PI4KA: variants seen among roughly 807,000 people sequenced by gnomAD.
The protein encoded by PI4KA is PI4-kinase alpha.
PI4KA carries 122 observed loss-of-function variants against 271.4 expected under a neutral mutation model. That is an observed-to-expected ratio of 0.45 (90% confidence interval 0.39 to 0.52). PI4KA has a LOEUF of 0.52. Ranked by LOEUF, PI4KA falls within the 20% of genes least tolerant of loss-of-function variation. The pLI is 0.00. For missense variants in PI4KA, 1,969 were observed against 2,769.1 expected (o/e 0.71, Z 6.48); for synonymous variants, 1,041 against 1,078.8 (o/e 0.96, Z 0.69).
intron 3 of PI4KA, among the ~76,000 whole-genome samples, chr22:20,828,860 G>A (rs1374892715): frequency 1.3e-5 from 2 of 152,084 alleles, no homozygotes; most frequent in Non-Finnish European, 2.9e-5. Flanking sequence ...GCCTGTTGAG[G>A]ATTTTTAACA....
chr22:20,847,463 G>A (rs778749831), intron 1 of PI4KA, among the ~76,000 whole-genome samples: 10 of 152,086 alleles, frequency 6.6e-5, no homozygotes, highest in Non-Finnish European at 1.2e-4. Flanking sequence ...AGTGGCTCAC[G>A]CCTGTAATCT....
rs763949828 is a variant in PI4KA at position 20,729,426 on chromosome 22, G to C, written c.4569C>G (p.Asn1523Lys). The C allele has an allele frequency of 6.2e-7, 1 of 1,613,158 alleles. No individual in the cohort carries two copies. The highest frequency in any genetic ancestry group is 1.3e-5 in the African/African-American group (1 of 74,910). The part of the protein sequence containing the change: ...PELELDQAGE[N>K]SVANWRSKYI... ...ACTTAGATCTCCAGTTGGCCACGCT[G>C]TTCTCTCCGGCCTGGTCTAGTTCCA... The change falls in exon 39 of 55, where the codon AAC (asparagine) becomes AAG (lysine). Residue 1523 changes from asparagine (N) to lysine (K), a missense_variant. Transcript: ENST00000255882.
At chr22:20,847,870 G>C (rs963223279) in intron 1 of PI4KA, among the ~76,000 whole-genome samples, 1 of 151,992 alleles carries the variant, frequency 6.6e-6, no homozygotes, top group Admixed American at 6.6e-5. Context: ...TTACAACATT[G>C]CTAAAAGTAA....
intron 1 of PI4KA, among the ~76,000 whole-genome samples, chr22:20,855,372 C>G (rs1927468542): frequency 6.6e-6 from 1 of 152,028 alleles, no homozygotes; most frequent in South Asian, 2.1e-4. Context: ...ACAATGATCC[C>G]TAGCATAATC....
intron 3 of PI4KA, among the ~76,000 whole-genome samples, chr22:20,828,845 G>C (rs1055429326): frequency 6.6e-6 from 1 of 152,140 alleles, no homozygotes; most frequent in African/African-American, 2.4e-5. Context: ...GAGCCACCAC[G>C]CCTGGCCTGT....
chr22:20,830,904 T>A (rs942180099), intron 3 of PI4KA, among the ~76,000 whole-genome samples: 4 of 152,184 alleles, frequency 2.6e-5, no homozygotes, highest in African/African-American at 9.7e-5. Flanking sequence ...CCTGAGTAGC[T>A]GGGACTACAG....
At chr22:20,853,565 G>GTAGGA (rs1927246543) in intron 1 of PI4KA, among the ~76,000 whole-genome samples, 1 of 152,192 alleles carries the variant, frequency 6.6e-6, no homozygotes, top group African/African-American at 2.4e-5. Flanking sequence ...GAGGGAGAGG[G>GTAGGA]CTGAGGACTG....
chr22:20,831,242 A>T (rs1198565231), intron 3 of PI4KA, among the ~76,000 whole-genome samples: 1 of 151,926 alleles, frequency 6.6e-6, no homozygotes, highest in Non-Finnish European at 1.5e-5. Flanking sequence ...CGGATATGAA[A>T]TTCTTCGTTG....
intron 1 of PI4KA, among the ~76,000 whole-genome samples, chr22:20,853,066 G>A (rs936134435): frequency 2.1e-4 from 32 of 152,112 alleles, no homozygotes; most frequent in African/African-American, 6.3e-4. Context: ...GTGAGACTCC[G>A]TCTCTATTTT....
intron 29 of PI4KA, among the ~76,000 whole-genome samples, chr22:20,745,418 C>G (rs927024102): frequency 6.6e-6 from 1 of 152,064 alleles, no homozygotes; most frequent in African/African-American, 2.4e-5. Flanking sequence ...TTCGCATTTC[C>G]CTTTAGCATC....
rs139367515 is a variant in PI4KA at position 20,764,453 on chromosome 22, T to C, written c.2708+364A>G. Reference sequence around the variant, plus strand: ...CGCATTTGCTGTTTGTACTCAACCATGGTCCTGGGAAACAGCTCAGTGAGT... The same window carrying C: ...CGCATTTGCTGTTTGTACTCAACCACGGTCCTGGGAAACAGCTCAGTGAGT... On this transcript the variant is annotated intron_variant, in intron 22 of 54. Coordinates refer to ENST00000255882, the MANE Select transcript of PI4KA (RefSeq NM_058004.4). Among the ~76,000 whole-genome samples the C allele has an allele frequency of 4.9e-3, 749 of 152,256 alleles. 5 individuals are homozygous for C. The highest frequency in any genetic ancestry group is 6.8e-3 in the Middle Eastern group (2 of 294).
chr22:20,798,587 T>C lies in PI4KA; in HGVS notation c.2105A>G (p.Tyr702Cys), dbSNP rs1935114745. 1 of 1,590,142 alleles carries C rather than the reference T, an allele frequency of 6.3e-7. No individual in the cohort carries two copies. The highest frequency in any genetic ancestry group is 8.6e-7 in the Non-Finnish European group (1 of 1,157,998). ...SATKDYKDHG[Y>C]RHCSLAVINA... is the part of the protein sequence containing the mutation. ...AGTGACAATGAGGTCCAGTTACCTA[T>C]AGCCGTGGTCCTTGTAATCTTTGGT... The change falls in exon 17 of 55, where the codon TAT becomes TGT. Residue 702 changes from tyrosine to cysteine, a missense_variant. Tyr to Cys is a radical substitution (Grantham distance 194). This residue lies in a region of PI4KA where 368 missense variants were observed against 544.3 expected (regional missense o/e 0.68). Coordinates refer to ENST00000255882, the MANE Select transcript of PI4KA (RefSeq NM_058004.4).
At chr22:20,727,935 G>A (rs1452096673) in intron 39 of PI4KA, 71 bp from the exon 40 acceptor site, 11 of 1,144,348 alleles carry the variant, frequency 9.6e-6, no homozygotes, top group Non-Finnish European at 1.4e-5. Context: ...ACACTGGAGT[G>A]AGGGGAGCCA....
At chr22:20,827,291 G>A (rs774300118) in intron 3 of PI4KA, among the ~76,000 whole-genome samples, 7 of 152,100 alleles carry the variant, frequency 4.6e-5, no homozygotes, top group East Asian at 1.9e-4. Flanking sequence ...TTATCCTAGC[G>A]CCATTTATTG....
At chr22:20,762,530 G>A (rs1932077433) in intron 22 of PI4KA, among the ~76,000 whole-genome samples, 1 of 152,176 alleles carries the variant, frequency 6.6e-6, no homozygotes, top group African/African-American at 2.4e-5. Flanking sequence ...TCCTCTGCCA[G>A]TTAAGAGCCC....
Position 20,742,722 on chromosome 22 carries a change from A to T in PI4KA, c.3499T>A (p.Ser1167Thr), listed in dbSNP as rs749180398. 4 of 1,614,032 alleles carry T rather than the reference A, an allele frequency of 2.5e-6. No individual in the cohort carries two copies. The highest frequency in any genetic ancestry group is 3.4e-6 in the Non-Finnish European group (4 of 1,179,986). ...TGGACCATCATTTTGTTCAGGTCAGACATCTGGCCTGTGGTGCCTGAGAAC... is the reference window on the plus strand; with the variant it reads ...TGGACCATCATTTTGTTCAGGTCAGTCATCTGGCCTGTGGTGCCTGAGAAC... ...IRFSGTTGQM[S>T]DLNKMMVQDL... The change falls in exon 31 of 55, where the codon TCT (serine) becomes ACT (threonine). Residue 1167 changes from serine to threonine, a missense_variant. Transcript: ENST00000255882.
chr22:20,769,172 A>G (rs1314447017), intron 19 of PI4KA, among the ~76,000 whole-genome samples: 1 of 152,214 alleles, frequency 6.6e-6, no homozygotes, highest in Non-Finnish European at 1.5e-5. Context: ...GTTTTGACAC[A>G]GAAAAGAGGA....
At chr22:20,798,206 A>G (rs1935093270) in intron 17 of PI4KA, among the ~76,000 whole-genome samples, 1 of 152,156 alleles carries the variant, frequency 6.6e-6, no homozygotes, top group South Asian at 2.1e-4. Context: ...CCTAACATCC[A>G]AGCTAGAGAC....
chr22:20,845,907 A>G (rs1326782640), intron 1 of PI4KA, among the ~76,000 whole-genome samples: 5 of 151,916 alleles, frequency 3.3e-5, no homozygotes, highest in African/African-American at 1.2e-4. Flanking sequence ...TCATCTGTAG[A>G]CAGATTCATG....
Sources: allele counts gnomAD v4.1 joint callset (sites outside exome capture counted in the v4.1 genomes callset), GRCh38; gene constraint gnomAD v4.1.1; regional missense constraint gnomAD v4.1.1; transcripts MANE v1.5; gene names NCBI Gene and HGNC (gene_info 2026-07-23, HGNC 2026-07-21).